The following SKAP1 variants were observed in gnomAD, a reference collection of about 807,000 sequenced individuals.
SKAP1 encodes the protein src kinase associated phosphoprotein 1, also known as src kinase-associated phosphoprotein 1.
A neutral mutation model predicts 58.5 loss-of-function variants in SKAP1; 44 were observed. The observed-to-expected ratio is 0.75, with a 90% CI of 0.59 to 0.97. SKAP1 has a LOEUF of 0.97. Ranked by LOEUF, SKAP1 falls within the 50% of genes least tolerant of loss-of-function variation. SKAP1 has a pLI of 0.00. For missense variants in SKAP1, 390 were observed against 435.2 expected, an observed-to-expected ratio of 0.90 and a Z score of 0.92; for synonymous variants, 127 against 149.7, an observed-to-expected ratio of 0.85 and a Z score of 1.11.
intron 4 of SKAP1, among the ~76,000 whole-genome samples, chr17:48,216,035 T>C (rs2064935177): frequency 1.3e-5 from 2 of 152,314 alleles, no homozygotes; most frequent in South Asian, 2.1e-4. Flanking sequence ...CTATGCATTA[T>C]CTGAAGGATG....
intron 3 of SKAP1, among the ~76,000 whole-genome samples, chr17:48,357,099 T>C (rs2066884757): frequency 6.6e-6 from 1 of 152,190 alleles, no homozygotes; most frequent in Admixed American, 6.5e-5. Context: ...ATTTAGGCTG[T>C]CTGTTTGCTA....
At chr17:48,225,675 C>G (rs1017756883) in intron 4 of SKAP1, among the ~76,000 whole-genome samples, 2 of 152,130 alleles carry the variant, frequency 1.3e-5, no homozygotes, top group African/African-American at 4.8e-5. Context: ...CTGCTGTTTC[C>G]TCTGCCTGCC....
intron 4 of SKAP1, among the ~76,000 whole-genome samples, chr17:48,272,343 G>A (rs1016957969): frequency 1.3e-5 from 2 of 151,880 alleles, no homozygotes; most frequent in South Asian, 4.2e-4. Flanking sequence ...TGTTGGCCAG[G>A]CTGCTCTCGA....
intron 2 of SKAP1, among the ~76,000 whole-genome samples, chr17:48,375,331 A>T (rs910879366): frequency 6.6e-6 from 1 of 152,098 alleles, no homozygotes; most frequent in Non-Finnish European, 1.5e-5. Flanking sequence ...CTCCCCCACC[A>T]CAATTTTTAA....
intron 4 of SKAP1, among the ~76,000 whole-genome samples, chr17:48,222,888 A>AC (rs1423996143): frequency 1.2e-4 from 18 of 149,258 alleles, no homozygotes; most frequent in African/African-American, 4.4e-4. Context: ...ACATGGTGAA[A>AC]CCCCATCTCT....
At chr17:48,364,672 C>T (rs1321109829) in intron 2 of SKAP1, among the ~76,000 whole-genome samples, 1 of 152,076 alleles carries the variant, frequency 6.6e-6, no homozygotes, top group Non-Finnish European at 1.5e-5. Context: ...GAGACTCCAT[C>T]TCAACAAAAC....
intron 3 of SKAP1, among the ~76,000 whole-genome samples, chr17:48,353,850 A>G (rs2066836605): frequency 6.6e-6 from 1 of 150,618 alleles, no homozygotes; most frequent in Admixed American, 6.6e-5. Context: ...GTGAGCCGAG[A>G]TCGCGCCATT....
chr17:48,188,353 C>T (rs1361120043), intron 5 of SKAP1, among the ~76,000 whole-genome samples: 1 of 152,186 alleles, frequency 6.6e-6, no homozygotes, highest in Non-Finnish European at 1.5e-5. Context: ...GATGCCAACT[C>T]TAGTGGTACC....
chr17:48,232,137 T>C (rs945761591), intron 4 of SKAP1, among the ~76,000 whole-genome samples: 1 of 152,216 alleles, frequency 6.6e-6, no homozygotes, highest in Non-Finnish European at 1.5e-5. Context: ...AAACTGCTAT[T>C]GTAGGCCAGT....
At chr17:48,443,549 C>T in the SKAP1 span, among the ~76,000 whole-genome samples, 1 of 152,104 alleles carries the variant, frequency 6.6e-6, no homozygotes, top group Non-Finnish European at 1.5e-5. Flanking sequence ...GATCTCGGCT[C>T]ACTGTAACCT....
intron 4 of SKAP1, among the ~76,000 whole-genome samples, chr17:48,229,195 G>A (rs2065100864): frequency 6.6e-6 from 1 of 152,120 alleles, no homozygotes; most frequent in South Asian, 2.1e-4. Flanking sequence ...GGGTTCTGAA[G>A]CTTTAATATG....
intron 4 of SKAP1, among the ~76,000 whole-genome samples, chr17:48,229,062 G>A (rs1468988664): frequency 6.6e-6 from 1 of 152,052 alleles, no homozygotes; most frequent in Non-Finnish European, 1.5e-5. Flanking sequence ...ACTCTTGGTC[G>A]TGCATCCCTG....
At chr17:48,171,093 G>GTTGTT (rs1555597075) in intron 9 of SKAP1, among the ~76,000 whole-genome samples, 2 of 70,240 alleles carry the variant, frequency 2.8e-5, no homozygotes, top group South Asian at 6.7e-4. Flanking sequence ...AATTACTGTT[G>GTTGTT]TTTTTTTTTT....
chr17:48,366,753 C>A (rs1301655434), intron 2 of SKAP1, among the ~76,000 whole-genome samples: 1 of 152,166 alleles, frequency 6.6e-6, no homozygotes, highest in African/African-American at 2.4e-5. Context: ...TCCATCTTCT[C>A]TTGAGGCACT....
intron 11 of SKAP1, among the ~76,000 whole-genome samples, chr17:48,143,735 C>T (rs369263364): frequency 6.6e-6 from 1 of 152,204 alleles, no homozygotes; most frequent in East Asian, 1.9e-4. Context: ...TGATCCAAGT[C>T]AACTTGCTGA....
At chr17:48,338,855 A>G (rs1422712013) in intron 4 of SKAP1, among the ~76,000 whole-genome samples, 4 of 152,234 alleles carry the variant, frequency 2.6e-5, no homozygotes, top group African/African-American at 9.6e-5. Flanking sequence ...TGTCATCTTC[A>G]TCTGTGATTT....
intron 4 of SKAP1, among the ~76,000 whole-genome samples, chr17:48,220,090 T>C (rs1041830691): frequency 1.3e-5 from 2 of 152,162 alleles, no homozygotes; most frequent in African/African-American, 4.8e-5. Context: ...TTTTCACACA[T>C]TGTTGGTGGG....
At chr17:48,374,101 C>T (rs1385988330) in intron 2 of SKAP1, among the ~76,000 whole-genome samples, 5 of 152,148 alleles carry the variant, frequency 3.3e-5, no homozygotes, top group African/African-American at 1.2e-4. Flanking sequence ...GTGACACAAT[C>T]TCAGCTCACT....
At chr17:48,368,096 A>T (rs1598620221) in intron 2 of SKAP1, among the ~76,000 whole-genome samples, 1 of 152,034 alleles carries the variant, frequency 6.6e-6, no homozygotes, top group South Asian at 2.1e-4. Context: ...TTTGTTTTTT[A>T]AAAAAGCCAC....
Sources: allele counts gnomAD v4.1 joint callset (sites outside exome capture counted in the v4.1 genomes callset), GRCh38; gene constraint gnomAD v4.1.1; transcripts MANE v1.5; gene names NCBI Gene and HGNC (gene_info 2026-07-23, HGNC 2026-07-21).